The following KCNK9 variants were observed in gnomAD, a reference collection of about 807,000 sequenced individuals.
The protein encoded by KCNK9 is potassium channel subfamily K member 9.
In KCNK9, 1 loss-of-function variant was observed where a neutral mutation model predicts 10.8. The ratio of observed to expected loss-of-function variants is 0.09; its 90% confidence interval spans 0.03 to 0.44. KCNK9 has a LOEUF of 0.44. KCNK9 is among the 20% of genes least tolerant of loss of function. The pLI is 0.97. For missense variants in KCNK9, 303 were observed against 515.0 expected, an observed-to-expected ratio of 0.59 and a Z score of 3.98; for synonymous variants, 231 against 222.7, an observed-to-expected ratio of 1.04 and a Z score of -0.33.
chr8:139,663,117 T>A (rs1465135459), intron 1 of KCNK9, among the ~76,000 whole-genome samples: 2 of 151,850 alleles, frequency 1.3e-5, no homozygotes, highest in East Asian at 3.9e-4. Context: ...ACTGTGCAGG[T>A]CTGAAGAGGA....
At chr8:139,610,553 A>T (rs1185723163), downstream of KCNK9, among the ~76,000 whole-genome samples, 1 of 152,216 alleles carries the variant, frequency 6.6e-6, no homozygotes. Flanking sequence ...AGATCCCCAT[A>T]TGCAAATTCA....
At chr8:139,673,494 G>A (rs140225519) in intron 1 of KCNK9, among the ~76,000 whole-genome samples, 373 of 152,298 alleles carry the variant, frequency 2.4e-3, no homozygotes, top group Middle Eastern at 0.014. Flanking sequence ...CAGCCCACCC[G>A]TCCCCTTGAC....
intron 1 of KCNK9, among the ~76,000 whole-genome samples, chr8:139,625,180 G>A (rs1045934126): frequency 8.5e-5 from 13 of 152,188 alleles, no homozygotes; most frequent in African/African-American, 2.9e-4. Flanking sequence ...GCCCCCAAGT[G>A]CCCATGTGGA....
At chr8:139,682,402 G>C (rs1816709352) in intron 1 of KCNK9, among the ~76,000 whole-genome samples, 1 of 152,220 alleles carries the variant, frequency 6.6e-6, no homozygotes, top group South Asian at 2.1e-4. Flanking sequence ...AAAGAGCTGA[G>C]CACGACACAG....
intron 1 of KCNK9, among the ~76,000 whole-genome samples, chr8:139,621,366 C>G (rs972758830): frequency 3.3e-5 from 5 of 151,416 alleles, no homozygotes; most frequent in African/African-American, 9.7e-5. Flanking sequence ...GAACCCCAGG[C>G]AGGACAAATA....
intron 1 of KCNK9, among the ~76,000 whole-genome samples, chr8:139,646,969 C>G (rs1815706627): frequency 6.6e-6 from 1 of 152,232 alleles, no homozygotes; most frequent in South Asian, 2.1e-4. Flanking sequence ...CCAGCCCAAA[C>G]TCGTGCACAA....
intron 2 of KCNK9, among the ~76,000 whole-genome samples, chr8:139,602,272 G>C (rs1209950799): frequency 6.6e-6 from 1 of 152,224 alleles, no homozygotes; most frequent in African/African-American, 2.4e-5. Flanking sequence ...TCGATCACAG[G>C]CATGCAGGAT....
intron 1 of KCNK9, among the ~76,000 whole-genome samples, chr8:139,663,220 A>G (rs1252496797): frequency 6.6e-6 from 1 of 152,140 alleles, no homozygotes; most frequent in Non-Finnish European, 1.5e-5. Flanking sequence ...ACACACGTGC[A>G]CACACACAGG....
intron 1 of KCNK9, among the ~76,000 whole-genome samples, chr8:139,656,317 A>G (rs2542481): frequency 0.27 from 40,374 of 152,106 alleles, 9,480 homozygotes; most frequent in East Asian, 0.83. Flanking sequence ...AGCCTGGGCC[A>G]CTAACTCTTT....
chr8:139,632,719 G>A (rs1815210933), intron 1 of KCNK9, among the ~76,000 whole-genome samples: 1 of 152,126 alleles, frequency 6.6e-6, no homozygotes, highest in Admixed American at 6.6e-5. Flanking sequence ...ACCTAAGGTG[G>A]GATGGTGCCT....
chr8:139,656,206 A>G (rs904056241), intron 1 of KCNK9, among the ~76,000 whole-genome samples: 1 of 152,172 alleles, frequency 6.6e-6, no homozygotes, highest in Non-Finnish European at 1.5e-5. Context: ...GGCAGCTGTC[A>G]GGCCCTCCCT....
At chr8:139,685,146 C>G (rs1162831181) in intron 1 of KCNK9, among the ~76,000 whole-genome samples, 1 of 152,004 alleles carries the variant, frequency 6.6e-6, no homozygotes, top group African/African-American at 2.4e-5. Flanking sequence ...GTTCATGGAA[C>G]TCAACAAAAA....
intron 1 of KCNK9, among the ~76,000 whole-genome samples, chr8:139,695,156 G>C (rs112683745): frequency 0.044 from 6,688 of 152,336 alleles, 347 homozygotes; most frequent in African/African-American, 0.13. Context: ...ACCAATGCAA[G>C]ACAGGGACAC....
intron 1 of KCNK9, among the ~76,000 whole-genome samples, chr8:139,656,993 C>G (rs1816039486): frequency 6.6e-6 from 1 of 152,208 alleles, no homozygotes; most frequent in Middle Eastern, 3.2e-3. Context: ...GTACCCATTC[C>G]AAACCCACCA....
intron 1 of KCNK9, among the ~76,000 whole-genome samples, chr8:139,677,299 G>A (rs1254384616): frequency 6.6e-6 from 1 of 152,148 alleles, no homozygotes; most frequent in East Asian, 1.9e-4. Flanking sequence ...AGGAAACTGA[G>A]GCAGAGGCAC....
chr8:139,681,362 G>A (rs1457578993), intron 1 of KCNK9, among the ~76,000 whole-genome samples: 1 of 152,242 alleles, frequency 6.6e-6, no homozygotes, highest in African/African-American at 2.4e-5. Context: ...AAAGACACCG[G>A]CAGACGGAGT....
chr8:139,628,843 T>C (rs1358312608), intron 1 of KCNK9, among the ~76,000 whole-genome samples: 2 of 152,202 alleles, frequency 1.3e-5, no homozygotes, highest in African/African-American at 4.8e-5. Context: ...CTGCTCCATG[T>C]AGGGCCTTGA....
intron 1 of KCNK9, among the ~76,000 whole-genome samples, chr8:139,655,032 C>T (rs950801445): frequency 3.3e-5 from 5 of 152,024 alleles, no homozygotes; most frequent in East Asian, 1.9e-4. Flanking sequence ...TGGCGGGGGG[C>T]GGGCGCTGGG....
At position 139,703,047 on chromosome 8, in the gene KCNK9, C is replaced by T; in HGVS notation, c.-55G>A. On this transcript the variant is annotated 5_prime_UTR_variant, in exon 1 of 2. Transcript: ENST00000520439. The surrounding 1 kb of genome is among the most constrained non-coding windows in gnomAD (Gnocchi z 6.4). ...CATGTCCCGCAGGCTCACAGCCGCG[C>T]GCGTCCCACTGCAGCGCCCGGCGGC... 6.6e-7 allele frequency: 1 copy of T among 1,522,718 alleles called. No individual in the cohort carries two copies. Among genetic ancestry groups the T allele is most frequent in the South Asian group, 1.2e-5 (1 of 82,368 alleles). The allele number at this position is 1,522,718 out of a possible 1,614,324, so 94.3% of individuals were successfully genotyped here. A position where few individuals can be genotyped will look rare whatever the true frequency, so the allele number is the denominator to read the frequency against.
Sources: allele counts gnomAD v4.1 joint callset (sites outside exome capture counted in the v4.1 genomes callset), GRCh38; gene constraint gnomAD v4.1.1; non-coding constraint Gnocchi (gnomAD v3.1); transcripts MANE v1.5; gene names NCBI Gene and HGNC (gene_info 2026-07-23, HGNC 2026-07-21).